Variants in SEMA3E observed in about 807,000 individuals in gnomAD.
The protein encoded by SEMA3E is semaphorin-3E.
Under a neutral mutation model 93.6 loss-of-function variants are expected in SEMA3E, and 49 were observed. That is an observed-to-expected ratio of 0.52 (90% CI 0.42 to 0.66). SEMA3E has a LOEUF of 0.66. Ranked by LOEUF, SEMA3E falls within the 30% of genes least tolerant of loss-of-function variation. SEMA3E has a pLI of 0.00. For missense variants in SEMA3E, 906 were observed against 964.8 expected, an observed-to-expected ratio of 0.94 and a Z score of 0.81; for synonymous variants, 363 against 330.7, an observed-to-expected ratio of 1.10 and a Z score of -1.06.
chr7:83,635,963 T>C (rs1793875931), intron 1 of SEMA3E, among the ~76,000 whole-genome samples: 1 of 152,126 alleles, frequency 6.6e-6, no homozygotes, highest in Admixed American at 6.5e-5. Context: ...TCTTTCCCAG[T>C]TCTGACTTTC....
intron 1 of SEMA3E, among the ~76,000 whole-genome samples, chr7:83,575,733 T>G (rs2115886117): frequency 6.6e-6 from 1 of 152,338 alleles, no homozygotes; most frequent in East Asian, 1.9e-4. Flanking sequence ...TCTTTGGTTT[T>G]TCTAGCTTTT....
intron 1 of SEMA3E, among the ~76,000 whole-genome samples, chr7:83,607,097 G>A (rs1793140712): frequency 6.6e-6 from 1 of 152,278 alleles, no homozygotes; most frequent in Middle Eastern, 3.4e-3. Flanking sequence ...AACCATTTGG[G>A]TGATGCTGAA....
At chr7:83,439,100 G>GT (rs1294983497) in intron 4 of SEMA3E, among the ~76,000 whole-genome samples, 2 of 152,166 alleles carry the variant, frequency 1.3e-5, no homozygotes, top group Non-Finnish European at 2.9e-5. Context: ...TCTCGTTTTA[G>GT]TATGCAGATA....
At chr7:83,425,223 A>G (rs979697820) in intron 4 of SEMA3E, among the ~76,000 whole-genome samples, 2 of 80,630 alleles carry the variant, frequency 2.5e-5, no homozygotes, top group African/African-American at 1.3e-4. Context: ...TCAATACTTG[A>G]AAAAAAAAAT....
chr7:83,512,619 C>T (rs1230445270), intron 1 of SEMA3E, among the ~76,000 whole-genome samples: 1 of 152,032 alleles, frequency 6.6e-6, no homozygotes, highest in Admixed American at 6.5e-5. Context: ...TTAATTTGCA[C>T]TTAAAAAGAA....
chr7:83,438,043 A>G (rs1198256327), intron 4 of SEMA3E, among the ~76,000 whole-genome samples: 1 of 152,190 alleles, frequency 6.6e-6, no homozygotes, highest in Non-Finnish European at 1.5e-5. Context: ...TCATATTATA[A>G]TTAAATATCG....
At chr7:83,438,137 T>C (rs2713167) in intron 4 of SEMA3E, among the ~76,000 whole-genome samples, 109,918 of 151,888 alleles carry the variant, frequency 0.72, 40,787 homozygotes, top group East Asian at 1. Context: ...TGTAATAATA[T>C]CTTTGGTATT....
intron 1 of SEMA3E, among the ~76,000 whole-genome samples, chr7:83,618,879 T>C (rs1238854985): frequency 6.6e-6 from 1 of 151,926 alleles, no homozygotes; most frequent in Admixed American, 6.6e-5. Flanking sequence ...AAATATCTTA[T>C]ATTTTCATCA....
intron 2 of SEMA3E, among the ~76,000 whole-genome samples, chr7:83,487,910 A>G (rs73376744): frequency 0.019 from 2,926 of 152,258 alleles, 96 homozygotes; most frequent in African/African-American, 0.067. Context: ...ACATAATCCA[A>G]AAAGGATAAG....
chr7:83,558,205 T>A (rs1791959836), intron 1 of SEMA3E, among the ~76,000 whole-genome samples: 1 of 152,256 alleles, frequency 6.6e-6, no homozygotes, highest in African/African-American at 2.4e-5. Context: ...TAGAGATGTA[T>A]ATATATTTTT....
intron 4 of SEMA3E, among the ~76,000 whole-genome samples, chr7:83,457,449 C>T (rs1319834288): frequency 6.6e-6 from 1 of 152,154 alleles, no homozygotes; most frequent in Non-Finnish European, 1.5e-5. Context: ...CTTGTAAGAA[C>T]TTTGTATTTC....
intron 2 of SEMA3E, among the ~76,000 whole-genome samples, chr7:83,477,203 A>G (rs972371530): frequency 2.6e-5 from 4 of 152,184 alleles, no homozygotes; most frequent in African/African-American, 9.6e-5. Flanking sequence ...AAAACAATTC[A>G]GTTAATATAA....
rs1792513865 is a variant in SEMA3E, at chr7:83,581,354, C to A, written c.115+67074G>T. 2.0e-5 allele frequency among the ~76,000 whole-genome samples: 3 copies of A among 152,054 alleles called. 1 individual carries two copies. In the South Asian group the frequency reaches 6.2e-4, roughly 31 times the overall value. On this transcript the variant is annotated intron_variant, in intron 1 of 16. Transcript: ENST00000643230. The stretch of plus-strand genomic sequence containing the variant: ...CATAGTAATATTTACAGCCATGGAT[C>A]TTTAATTATTTTTCTTGTAATTTAA...
At chr7:83,537,342 A>C (rs1791427505) in intron 1 of SEMA3E, among the ~76,000 whole-genome samples, 1 of 152,188 alleles carries the variant, frequency 6.6e-6, no homozygotes, top group Non-Finnish European at 1.5e-5. Context: ...TACATATTGC[A>C]GCTTTCTTCC....
chr7:83,619,452 C>A (rs964699473), intron 1 of SEMA3E, among the ~76,000 whole-genome samples: 2 of 151,812 alleles, frequency 1.3e-5, no homozygotes, highest in Admixed American at 1.3e-4. Context: ...TATCAAGCAA[C>A]CATAAATGTG....
intron 4 of SEMA3E, among the ~76,000 whole-genome samples, chr7:83,428,683 A>G (rs913340792): frequency 6.6e-6 from 1 of 152,176 alleles, no homozygotes; most frequent in Non-Finnish European, 1.5e-5. Context: ...AAACAGGAGT[A>G]AAATAGCAAG....
At chr7:83,624,112 T>C (rs781702449) in intron 1 of SEMA3E, among the ~76,000 whole-genome samples, 4 of 152,226 alleles carry the variant, frequency 2.6e-5, no homozygotes, top group Non-Finnish European at 5.9e-5. Context: ...ATTTTCTTTA[T>C]CCAGTCTCTC....
intron 1 of SEMA3E, among the ~76,000 whole-genome samples, chr7:83,492,002 C>T (rs1332134733): frequency 2.6e-5 from 4 of 151,930 alleles, no homozygotes; most frequent in Non-Finnish European, 5.9e-5. Context: ...TATACATAAG[C>T]ATTTACGTTT....
chr7:83,534,439 T>C (rs1791369512), intron 1 of SEMA3E, among the ~76,000 whole-genome samples: 1 of 152,196 alleles, frequency 6.6e-6, no homozygotes. Context: ...TCTTTTCATT[T>C]ACAATCATTA....
Sources: allele counts gnomAD v4.1 joint callset (sites outside exome capture counted in the v4.1 genomes callset), GRCh38; gene constraint gnomAD v4.1.1; transcripts MANE v1.5; gene names NCBI Gene and HGNC (gene_info 2026-07-23, HGNC 2026-07-21).